The following SERPINI1 variants were observed in gnomAD, a reference collection of about 807,000 sequenced individuals.
The protein encoded by SERPINI1 is neuroserpin.
SERPINI1 carries 19 observed loss-of-function variants against 41.1 expected under a neutral mutation model. The ratio of observed to expected loss-of-function variants is 0.46; its 90% CI spans 0.32 to 0.68. SERPINI1 has a LOEUF of 0.68. SERPINI1 is among the 30% of genes least tolerant of loss of function. The pLI is 0.03. For missense variants in SERPINI1, 460 were observed against 479.2 expected (o/e 0.96, Z 0.37); for synonymous variants, 138 against 156.6 (o/e 0.88, Z 0.89).
At chr3:167,774,738 T>A (rs765156699) in intron 1 of SERPINI1, among the ~76,000 whole-genome samples, 1 of 151,990 alleles carries the variant, frequency 6.6e-6, no homozygotes, top group Non-Finnish European at 1.5e-5. Context: ...TAATGCCTGA[T>A]GATCTGAGGT....
At chr3:167,808,762 G>A (rs1277675025) in intron 6 of SERPINI1, among the ~76,000 whole-genome samples, 1 of 152,152 alleles carries the variant, frequency 6.6e-6, no homozygotes, top group Non-Finnish European at 1.5e-5. Context: ...CCTTGAAATT[G>A]CATATAAATA....
chr3:167,770,313 G>A (rs1417682589), intron 1 of SERPINI1, among the ~76,000 whole-genome samples: 6 of 151,820 alleles, frequency 4.0e-5, no homozygotes, highest in African/African-American at 1.4e-4. Flanking sequence ...GAAGTACAAA[G>A]TAATCTTCTT....
chr3:167,814,558 A>T (rs1712006314), intron 6 of SERPINI1, among the ~76,000 whole-genome samples: 1 of 152,190 alleles, frequency 6.6e-6, no homozygotes, highest in Non-Finnish European at 1.5e-5. Flanking sequence ...ATCTATTTAA[A>T]TTGGCTGAAT....
At chr3:167,786,433 G>A (rs1383167658) in intron 1 of SERPINI1, among the ~76,000 whole-genome samples, 2 of 151,534 alleles carry the variant, frequency 1.3e-5, no homozygotes, top group African/African-American at 2.4e-5. Flanking sequence ...GCGTGAACCC[G>A]GGAGGCGGAG....
intron 1 of SERPINI1, among the ~76,000 whole-genome samples, chr3:167,737,006 T>G (rs982984012): frequency 1.3e-5 from 2 of 152,242 alleles, no homozygotes; most frequent in East Asian, 3.9e-4. Flanking sequence ...CTCAATACTT[T>G]ATGTTTTTTT....
In SERPINI1 at chr3:167,822,724, A is replaced by G. The variant is rs539787453; in HGVS notation, c.980-262A>G. ...GAAGTCACTAGTAAAAAAAGTTTCC[A>G]CTTTTTCTGAAAATATAAGACATAC... On this transcript the variant is annotated intron_variant, in intron 6 of 8. Transcript: ENST00000446050. Among the ~76,000 whole-genome samples, 3 of 152,186 alleles carry G rather than the reference A, an allele frequency of 2.0e-5. No individual in the cohort carries two copies. The East Asian group carries it at 5.8e-4, about 29-fold the overall frequency.
chr3:167,799,095 A>G (rs34832738), intron 5 of SERPINI1, among the ~76,000 whole-genome samples: 13,935 of 152,118 alleles, frequency 0.092, 732 homozygotes, highest in South Asian at 0.14. Context: ...CAGAACATGC[A>G]GGTTTGTTAC....
chr3:167,808,787 A>T (rs1467164581), intron 6 of SERPINI1, among the ~76,000 whole-genome samples: 1 of 152,184 alleles, frequency 6.6e-6, no homozygotes, highest in Admixed American at 6.6e-5. Flanking sequence ...CACACAATGC[A>T]TCTGCACATA....
chr3:167,755,794 ATTTTTTTT>A (rs34182780), intron 1 of SERPINI1, among the ~76,000 whole-genome samples: 25 of 119,212 alleles, frequency 2.1e-4, no homozygotes, highest in African/African-American at 7.5e-4. Flanking sequence ...GGTGTTGCTG[ATTTTTTTT>A]TTTTTTTTTT....
At chr3:167,793,596 A>ATATATATATATATATATT in intron 4 of SERPINI1, among the ~76,000 whole-genome samples, 11 of 140,618 alleles carry the variant, frequency 7.8e-5, no homozygotes, top group African/African-American at 3.0e-4. Context: ...ATATATATAT[A>ATATATATATATATATATT]TTTTTAATTA....
intron 5 of SERPINI1, among the ~76,000 whole-genome samples, chr3:167,803,251 A>G (rs1025354981): frequency 1.5e-4 from 22 of 151,536 alleles, no homozygotes; most frequent in Admixed American, 4.0e-4. Context: ...CATTGTGCAC[A>G]TGTACCCCAA....
chr3:167,742,818 T>TTGTGTGTGTG (rs10576293), intron 1 of SERPINI1, among the ~76,000 whole-genome samples: 39 of 145,096 alleles, frequency 2.7e-4, no homozygotes, highest in African/African-American at 8.3e-4. Context: ...TTGTGCCGTT[T>TTGTGTGTGTG]TGTGTGTGTG....
chr3:167,750,466 TTCG>T (rs1230856405), intron 1 of SERPINI1, among the ~76,000 whole-genome samples: 3 of 152,196 alleles, frequency 2.0e-5, no homozygotes, highest in Non-Finnish European at 2.9e-5. Flanking sequence ...CCATCACGTG[TTCG>T]TGATGCTTAT....
intron 1 of SERPINI1, among the ~76,000 whole-genome samples, chr3:167,755,546 A>G (rs1375326538): frequency 6.6e-6 from 1 of 152,232 alleles, no homozygotes; most frequent in Admixed American, 6.5e-5. Flanking sequence ...AGGAAACCAT[A>G]AGAAGGCTGT....
chr3:167,801,712 A>G (rs1229929089), intron 5 of SERPINI1, among the ~76,000 whole-genome samples: 4 of 152,132 alleles, frequency 2.6e-5, no homozygotes, highest in African/African-American at 9.7e-5. Context: ...TAAGCACTCA[A>G]TATATGGGAG....
At chr3:167,781,200 C>T (rs1727112408) in intron 1 of SERPINI1, among the ~76,000 whole-genome samples, 1 of 152,052 alleles carries the variant, frequency 6.6e-6, no homozygotes, top group Non-Finnish European at 1.5e-5. Flanking sequence ...GAAACTTTCA[C>T]TTATTCCAAC....
chr3:167,821,808 AT>A (rs1712338775), intron 6 of SERPINI1, among the ~76,000 whole-genome samples: 1 of 152,222 alleles, frequency 6.6e-6, no homozygotes, highest in Non-Finnish European at 1.5e-5. Context: ...TTATATACAT[AT>A]TTCTGAAGAG....
At chr3:167,773,593 G>T (rs1309755907) in intron 1 of SERPINI1, among the ~76,000 whole-genome samples, 3 of 152,092 alleles carry the variant, frequency 2.0e-5, no homozygotes, top group African/African-American at 7.2e-5. Context: ...TTAGTTGTTT[G>T]CCCACACTGC....
intron 1 of SERPINI1, among the ~76,000 whole-genome samples, chr3:167,746,906 A>G (rs1206545469): frequency 1.3e-5 from 2 of 152,188 alleles, no homozygotes; most frequent in East Asian, 1.9e-4. Flanking sequence ...GAGTTAGCCT[A>G]TGACCCAGCA....
Sources: allele counts gnomAD v4.1 joint callset (sites outside exome capture counted in the v4.1 genomes callset), GRCh38; gene constraint gnomAD v4.1.1; transcripts MANE v1.5; gene names NCBI Gene and HGNC (gene_info 2026-07-23, HGNC 2026-07-21).